The following PER3 variants were observed in gnomAD, a reference collection of about 807,000 sequenced individuals.
The protein encoded by PER3 is period circadian regulator 3.
PER3 carries 107 observed loss-of-function variants against 127.2 expected under a neutral mutation model. The ratio of observed to expected loss-of-function variants is 0.84; its 90% CI spans 0.72 to 0.99. The LOEUF (loss-of-function observed/expected upper bound fraction) is 0.99. Ranked by LOEUF, PER3 falls within the 50% of genes least tolerant of loss-of-function variation. The pLI is 0.00. For missense variants in PER3, 1,560 were observed against 1,525.8 expected (o/e 1.02, Z -0.37); for synonymous variants, 618 against 585.8 (o/e 1.05, Z -0.79).
intron 2 of PER3, 78 bp from the exon 3 acceptor site, chr1:7,785,363 C>T (rs2150401165): frequency 3.5e-6 from 4 of 1,147,352 alleles, no homozygotes; most frequent in Non-Finnish European, 5.2e-6. Flanking sequence ...ACTTACCTGG[C>T]TTGCAGTTTG....
intron 16 of PER3, among the ~76,000 whole-genome samples, chr1:7,823,467 ACCCCATC>A (rs2097287074): frequency 6.6e-6 from 1 of 152,090 alleles, no homozygotes; most frequent in Non-Finnish European, 1.5e-5. Flanking sequence ...ACACGGAGAA[ACCCCATC>A]TTTACTAAAA....
At chr1:7,808,102 G>A (rs1355622069) in intron 10 of PER3, among the ~76,000 whole-genome samples, 1 of 151,782 alleles carries the variant, frequency 6.6e-6, no homozygotes, top group African/African-American at 2.4e-5. Flanking sequence ...GCGTGGTGGC[G>A]TGCACCTGTA....
chr1:7,785,199 G>A (rs934023482), intron 2 of PER3, among the ~76,000 whole-genome samples, 194 bp downstream of exon 2: 3 of 152,244 alleles, frequency 2.0e-5, no homozygotes, highest in Non-Finnish European at 4.4e-5. Context: ...GGAGGGAAAA[G>A]TGGTTACAAA....
At chr1:7,808,232 CAAAAAAAAAAAA>C (rs60220289) in intron 10 of PER3, among the ~76,000 whole-genome samples, 50,884 of 98,020 alleles carry the variant, frequency 0.52, 10,256 homozygotes, top group East Asian at 0.61. Context: ...GACTCTGTCT[CAAAAAAAAAAAA>C]AAAAAAAAAA....
At chr1:7,833,753 G>A (rs77688508) in intron 19 of PER3, among the ~76,000 whole-genome samples, 1,599 of 152,124 alleles carry the variant, frequency 0.011, 35 homozygotes, top group African/African-American at 0.036. Context: ...TATTGATATG[G>A]TTAGGTTTAA....
Position 7,842,832 on chromosome 1 carries a change from A to G in PER3, c.*77A>G. The G allele has an allele frequency of 8.2e-7, 1 of 1,225,478 alleles. No individual in the cohort carries two copies. The highest frequency in any genetic ancestry group is 1.2e-6 in the Non-Finnish European group (1 of 867,022). The allele number at this position is 1,225,478 out of a possible 1,614,324, so 75.9% of individuals were successfully genotyped here. ...AGACCTTTTTAAGTCCTGGACTTTT[A>G]AATGACCATGAAGTTATCATTGAAT... On this transcript the variant is annotated 3_prime_UTR_variant, in exon 22 of 22. Coordinates refer to ENST00000377532, the MANE Select transcript of PER3 (RefSeq NM_001377275.1).
chr1:7,836,832 T>G, intron 20 of PER3, 167 bp from the exon 21 acceptor site: 1 of 500,458 alleles, frequency 2.0e-6, no homozygotes, highest in Non-Finnish European at 3.5e-6. Flanking sequence ...AAAAAAGCCT[T>G]TACCAACTTG....
In PER3 at chr1:7,843,477, T is replaced by C. The variant is rs1244016274; in HGVS notation, c.*722T>C. On this transcript the variant is annotated 3_prime_UTR_variant, in exon 22 of 22. Coordinates refer to ENST00000377532, the MANE Select transcript of PER3 (RefSeq NM_001377275.1). ...TCAGTTAGCATTTGCATGTGTAATA[T>C]TAAAATGAAAGAGCTTCTTACCCAG... The C allele has an allele frequency of 6.6e-6, 1 of 152,408 alleles. No homozygotes were observed. Among genetic ancestry groups the C allele is most frequent in the Non-Finnish European group, 1.5e-5 (1 of 68,050 alleles). 9.4% of individuals were successfully genotyped at this position (152,408 alleles called of 1,614,324 possible). A position where few individuals can be genotyped will look rare whatever the true frequency, so the allele number is the denominator to read the frequency against.
Position 7,844,016 on chromosome 1 carries a change from T to G in PER3, c.*1261T>G. 1 of 1,118,050 alleles carries G rather than the reference T, an allele frequency of 8.9e-7. No individual in the cohort carries two copies. Among genetic ancestry groups the G allele is most frequent in the Non-Finnish European group, 1.1e-6 (1 of 887,026 alleles). The allele number at this position is 1,118,050 out of a possible 1,614,324, so 69.3% of individuals were successfully genotyped here. A position where few individuals can be genotyped will look rare whatever the true frequency, so the allele number is the denominator to read the frequency against. ...CAGTAACCTGTTGTCTTTATATAAC[T>G]TGCAACAAACTAATTTATTTTTTTT... On this transcript the variant is annotated 3_prime_UTR_variant, in exon 22 of 22. Transcript: ENST00000377532.
chr1:7,827,678 G>A lies in PER3; in HGVS notation c.2749G>A (p.Ala917Thr). 2 of 1,614,144 alleles carry A rather than the reference G, an allele frequency of 1.2e-6. No individual in the cohort carries two copies. The highest frequency in any genetic ancestry group is 1.7e-6 in the Non-Finnish European group (2 of 1,180,018). ...AAGGAGAGAGGAGGAAAAGTGGGAG[G>A]CACAAAGCGAGGGGCACCCGTTCAT... ...SQRREEEKWE[A>T]QSEGHPFITS... is the part of the protein sequence containing the mutation. Residue 917 changes from alanine (A) to threonine (T), a missense_variant, in exon 18 of 22, where the codon GCA (alanine) becomes ACA (threonine). Coordinates refer to ENST00000377532, the MANE Select transcript of PER3 (RefSeq NM_001377275.1).
chr1:7,828,307 A>G (rs1325441717), intron 18 of PER3, among the ~76,000 whole-genome samples: 2 of 152,230 alleles, frequency 1.3e-5, no homozygotes, highest in Non-Finnish European at 2.9e-5. Flanking sequence ...TAGAGTAGGC[A>G]GTTTATAGTT....
Position 7,788,062 on chromosome 1 carries a change from A to C in PER3, c.408A>C (p.Val136=). Residue 136 remains valine, a synonymous_variant, in exon 5 of 22, where the codon GTA becomes GTC. Coordinates refer to ENST00000377532, the MANE Select transcript of PER3 (RefSeq NM_001377275.1). The part of the protein sequence containing the change: ...TSKNTDTFVA[V]FSFLSGRLVH... ...TTTCATAGGATACCTTTGTGGCAGTATTTTCATTTCTGTCTGGAAGGTTAG... is the reference window on the plus strand; with the variant it reads ...TTTCATAGGATACCTTTGTGGCAGTCTTTTCATTTCTGTCTGGAAGGTTAG... The C allele has an allele frequency of 6.2e-7, 1 of 1,611,936 alleles. No homozygotes were observed. Among genetic ancestry groups the C allele is most frequent in the Non-Finnish European group, 8.5e-7 (1 of 1,178,038 alleles).
At chr1:7,809,023 A>G (rs779107566) in intron 11 of PER3, 25 bp downstream of exon 11, 9 of 1,119,358 alleles carry the variant, frequency 8.0e-6, no homozygotes, top group Non-Finnish European at 1.1e-5. Flanking sequence ...TTAAAAATGC[A>G]AAGTTCCCTG....
rs1335880457 is a variant in PER3, at chr1:7,820,613, A to G, written c.1930A>G (p.Ile644Val). ...GISQCGYSSTIVHVPPPETAR... is the reference protein window; with the variant it reads ...GISQCGYSSTVVHVPPPETAR... ...AAGCCAATGCGGTTACAGCAGCACC[A>G]TTGTCCATGTCCCACCCCCAGAGAC... is the stretch of plus-strand genomic sequence containing the variant. Residue 644 changes from isoleucine to valine, a missense_variant, in exon 16 of 22, where the codon ATT (isoleucine) becomes GTT (valine). Physicochemically the swap from Ile to Val is conservative, Grantham distance 29. Transcript: ENST00000377532. 2.5e-6 allele frequency: 4 copies of G among 1,613,808 alleles called. No individual in the cohort carries two copies. Among genetic ancestry groups the G allele is most frequent in the Admixed American group, 1.7e-5 (1 of 59,938 alleles).
chr1:7,840,628 CTT>C (rs1254842478), intron 21 of PER3, among the ~76,000 whole-genome samples: 1 of 148,828 alleles, frequency 6.7e-6, no homozygotes, highest in Admixed American at 6.7e-5. Context: ...TTTTCTTTTT[CTT>C]TCTTTTTTTT....
intron 1 of PER3, 109 bp from the exon 2 acceptor site, chr1:7,784,545 T>G: frequency 5.4e-6 from 1 of 186,428 alleles, no homozygotes. Flanking sequence ...CGCGGGAAAG[T>G]TGGGGCAGGG....
Position 7,827,350 on chromosome 1 carries a change from C to T in PER3, c.2421C>T (p.Val807=). Reference sequence around the variant, plus strand: ...TGCCCAGCCAGGCCCCTTACCTCGTCCCAGCTTTTCCCCTCCCAGCCGCGA... The same window carrying T: ...TGCCCAGCCAGGCCCCTTACCTCGTTCCAGCTTTTCCCCTCCCAGCCGCGA... The part of the protein sequence containing the change: ...AMVPSQAPYL[V]PAFPLPAATS... The change falls in exon 18 of 22, where the codon GTC becomes GTT. Residue 807 remains valine, a synonymous_variant. Transcript: ENST00000377532. The T allele has an allele frequency of 6.2e-7, 1 of 1,614,100 alleles. No homozygotes were observed. The highest frequency in any genetic ancestry group is 8.5e-7 in the Non-Finnish European group (1 of 1,180,024).
At position 7,804,446 on chromosome 1, in the gene PER3, C is replaced by T. The variant is rs1033137044; in HGVS notation, c.1136+598C>T. Among the ~76,000 whole-genome samples, 7 of 148,706 alleles carry T rather than the reference C, an allele frequency of 4.7e-5. No individual in the cohort carries two copies. In the Admixed American group the frequency reaches 4.7e-4, roughly 10 times the overall value. On this transcript the variant is annotated intron_variant, in intron 10 of 21. Coordinates refer to ENST00000377532, the MANE Select transcript of PER3 (RefSeq NM_001377275.1). ...ACAGGTTCTCCCTCTGTTGCCCAGG[C>T]TGGAGTGCAGTGATGCGATCACAGC... is the stretch of plus-strand genomic sequence containing the variant.
chr1:7,842,499 C>CAA (rs373923215), intron 21 of PER3, 173 bp from the exon 22 acceptor site: 26,759 of 366,322 alleles, frequency 0.073, 760 homozygotes, highest in Middle Eastern at 0.12. Context: ...GACTCTGTCT[C>CAA]AAAAAAAAAA....
Sources: gnomAD v4.1 joint callset for allele counts (sites outside exome capture counted in the v4.1 genomes callset) on GRCh38, gnomAD v4.1.1 for gene constraint, MANE v1.5 for transcripts, NCBI Gene and HGNC (gene_info 2026-07-23, HGNC 2026-07-21) for gene names.